Variants in SCTR observed in about 807,000 individuals in gnomAD.
SCTR encodes secretin receptor.
A neutral mutation model predicts 60.8 loss-of-function variants in SCTR; 56 were observed. The observed-to-expected ratio is 0.92, with a 90% CI of 0.74 to 1.15. The LOEUF is 1.15. Ranked by LOEUF, SCTR falls within the 50% of genes most tolerant of loss-of-function variation. SCTR has a pLI of 0.00. For synonymous variants in SCTR, 202 were observed against 217.0 expected, an observed-to-expected ratio of 0.93 and a Z score of 0.61; for missense variants, 562 against 550.4, an observed-to-expected ratio of 1.02 and a Z score of -0.21.
chr2:119,448,962 TAG>T (rs1683037744), intron 9 of SCTR, among the ~76,000 whole-genome samples, 182 bp from the exon 10 acceptor site: 1 of 152,078 alleles, frequency 6.6e-6, no homozygotes, highest in Non-Finnish European at 1.5e-5. Flanking sequence ...AAACACTGTC[TAG>T]AGTCCATGGC....
At position 119,440,595 on chromosome 2, in the gene SCTR, G is replaced by A. The variant is rs930794387; in HGVS notation, c.1183-338C>T. Among the ~76,000 whole-genome samples, 8 of 152,198 alleles carry A rather than the reference G, an allele frequency of 5.3e-5. No homozygotes were observed. The South Asian group carries it at 8.3e-4, about 16-fold the overall frequency. On this transcript the variant is annotated intron_variant, in intron 12 of 12. Transcript: ENST00000019103. ...CCCAGGCTGAGAGGAAAAGAATCCC[G>A]GATTAAGCCAGAGGCTGAGTTCTCT...
chr2:119,453,476 A>C, intron 7 of SCTR, 129 bp from the exon 8 acceptor site: 2 of 714,176 alleles, frequency 2.8e-6, no homozygotes, highest in East Asian at 2.7e-5. Flanking sequence ...TTCCACAGAA[A>C]CCCCTCTGCC....
At chr2:119,483,530 G>T (rs1172829464) in intron 2 of SCTR, among the ~76,000 whole-genome samples, 2 of 152,192 alleles carry the variant, frequency 1.3e-5, no homozygotes, top group African/African-American at 2.4e-5. Context: ...TGGCTCCAGC[G>T]TCTGGGCACA....
intron 7 of SCTR, among the ~76,000 whole-genome samples, chr2:119,457,193 A>C (rs148568794): frequency 1.9e-3 from 294 of 152,294 alleles, no homozygotes; most frequent in African/African-American, 6.8e-3. Context: ...AGGCTGTCCA[A>C]AGAATTTGAG....
intron 1 of SCTR, among the ~76,000 whole-genome samples, chr2:119,507,680 C>CTTTTT: frequency 1.0e-5 from 1 of 99,280 alleles, no homozygotes; most frequent in Non-Finnish European, 1.9e-5. Flanking sequence ...TTTTTTTTTT[C>CTTTTT]TTTTTTTTTT....
At chr2:119,443,882 G>T (rs1682753740) in intron 11 of SCTR, among the ~76,000 whole-genome samples, 1 of 152,134 alleles carries the variant, frequency 6.6e-6, no homozygotes, top group Non-Finnish European at 1.5e-5. Flanking sequence ...GACAGTGATG[G>T]TGTTATTACA....
At chr2:119,444,096 A>G (rs553651192) in intron 11 of SCTR, among the ~76,000 whole-genome samples, 2 of 134,940 alleles carry the variant, frequency 1.5e-5, no homozygotes, top group Non-Finnish European at 3.1e-5. Flanking sequence ...TCACTTTTGT[A>G]TATGAAAAAC....
intron 11 of SCTR, among the ~76,000 whole-genome samples, chr2:119,443,066 C>T (rs894977332): frequency 2.0e-5 from 3 of 152,128 alleles, no homozygotes; most frequent in African/African-American, 4.8e-5. Flanking sequence ...CCCAGAGCCA[C>T]GAGCAGGCCA....
At chr2:119,501,358 C>T (rs1396286574) in intron 1 of SCTR, among the ~76,000 whole-genome samples, 7 of 151,168 alleles carry the variant, frequency 4.6e-5, no homozygotes, top group Non-Finnish European at 5.9e-5. Context: ...TGCAGTAAGC[C>T]GAGATCATGC....
intron 2 of SCTR, among the ~76,000 whole-genome samples, chr2:119,489,231 C>T (rs1269685117): frequency 6.6e-6 from 1 of 152,190 alleles, no homozygotes; most frequent in Non-Finnish European, 1.5e-5. Flanking sequence ...CCACGTTGCT[C>T]GCCTCAGCTA....
chr2:119,474,255 C>T (rs561276744), intron 3 of SCTR, among the ~76,000 whole-genome samples: 7 of 152,332 alleles, frequency 4.6e-5, no homozygotes, highest in Admixed American at 2.0e-4. Context: ...GCTTATCAAA[C>T]GCGGGCTGGC....
intron 6 of SCTR, 137 bp downstream of exon 6, chr2:119,463,985 TG>T: frequency 1.1e-6 from 1 of 879,576 alleles, no homozygotes; most frequent in Non-Finnish European, 1.8e-6. Flanking sequence ...GTGTCAGCAC[TG>T]GCTGCTTTAT....
intron 10 of SCTR, among the ~76,000 whole-genome samples, chr2:119,448,015 A>T (rs1558834899): frequency 6.6e-6 from 1 of 152,204 alleles, no homozygotes; most frequent in East Asian, 1.9e-4. Flanking sequence ...AAGTTACAAC[A>T]AGGATGGAGT....
intron 1 of SCTR, among the ~76,000 whole-genome samples, chr2:119,500,748 A>G (rs1210252978): frequency 6.6e-6 from 1 of 152,200 alleles, no homozygotes; most frequent in Non-Finnish European, 1.5e-5. Flanking sequence ...AAGGGGTTGA[A>G]GAGAGGTTGA....
At chr2:119,519,539 G>A (rs1047501972) in intron 1 of SCTR, among the ~76,000 whole-genome samples, 1 of 152,070 alleles carries the variant, frequency 6.6e-6, no homozygotes, top group Non-Finnish European at 1.5e-5. Context: ...CTCTGCGGTG[G>A]CTCACGCCTG....
chr2:119,511,317 C>A (rs1324048870), intron 1 of SCTR, among the ~76,000 whole-genome samples: 2 of 152,094 alleles, frequency 1.3e-5, no homozygotes, highest in African/African-American at 4.8e-5. Flanking sequence ...GTTTTAAAAT[C>A]TCCCTACATA....
chr2:119,483,103 T>C (rs1390721244), intron 2 of SCTR, among the ~76,000 whole-genome samples: 1 of 152,230 alleles, frequency 6.6e-6, no homozygotes, highest in Non-Finnish European at 1.5e-5. Flanking sequence ...GGCTGGACAA[T>C]GCCTGGCTGG....
At chr2:119,482,868 C>T (rs1677692209) in intron 2 of SCTR, among the ~76,000 whole-genome samples, 1 of 152,226 alleles carries the variant, frequency 6.6e-6, no homozygotes, top group Non-Finnish European at 1.5e-5. Context: ...ACCCAGAGCC[C>T]TCTTTCCCTG....
rs143491231 is a variant in SCTR, at chr2:119,522,155, G to C, written c.72+2000C>G. Among the ~76,000 whole-genome samples, 1,013 of 152,322 alleles carry C rather than the reference G, an allele frequency of 6.7e-3. 13 individuals carry two copies. Among genetic ancestry groups the C allele is most frequent in the African/African-American group, 0.023 (957 of 41,566 alleles). ...ACTAAAAATACAAAAAATTGGCCGA[G>C]CATGGTGGCACATGCCTGTAATCCC... On this transcript the variant is annotated intron_variant, in intron 1 of 12. Coordinates refer to ENST00000019103, the MANE Select transcript of SCTR (RefSeq NM_002980.3).
Sources: gnomAD v4.1 joint callset for allele counts (sites outside exome capture counted in the v4.1 genomes callset) on GRCh38, gnomAD v4.1.1 for gene constraint, MANE v1.5 for transcripts, NCBI Gene and HGNC (gene_info 2026-07-23, HGNC 2026-07-21) for gene names.